The following ZBBX variants were observed in gnomAD, a reference collection of about 807,000 sequenced individuals.
ZBBX encodes zinc finger B-box domain containing.
ZBBX carries 101 observed loss-of-function variants against 108.5 expected under a neutral mutation model. That is an observed-to-expected ratio of 0.93 (90% CI 0.79 to 1.10). The LOEUF is 1.10. Ranked by LOEUF, ZBBX falls within the 50% of genes least tolerant of loss-of-function variation. ZBBX has a pLI of 0.00. For missense variants in ZBBX, 1,009 were observed against 941.4 expected (o/e 1.07, Z -0.94); for synonymous variants, 356 against 323.4 (o/e 1.10, Z -1.08).
At chr3:167,212,901 C>G in the ZBBX span, among the ~76,000 whole-genome samples, 1 of 152,138 alleles carries the variant, frequency 6.6e-6, no homozygotes, top group Non-Finnish European at 1.5e-5. Flanking sequence ...CCTGCTGGAT[C>G]ACACCCCAAA....
chr3:167,223,213 C>A, the ZBBX span, among the ~76,000 whole-genome samples: 1 of 151,842 alleles, frequency 6.6e-6, no homozygotes, highest in African/African-American at 2.4e-5. Flanking sequence ...GAGTCCTCAC[C>A]CCATACCGAT....
chr3:167,378,476 G>A lies in ZBBX; in HGVS notation c.-132+1162C>T, dbSNP rs572272994. Among the ~76,000 whole-genome samples the A allele has an allele frequency of 2.0e-5, 3 of 152,302 alleles. No individual in the cohort carries two copies. In the South Asian group the frequency reaches 6.2e-4, roughly 32 times the overall value. ...CTGGATTTAAAGTCATAAGATCTTT[G>A]TGTGATAGAAATCTCTGAGCTTCAG... On this transcript the variant is annotated intron_variant, in intron 2 of 21. Transcript: ENST00000675490.
chr3:167,343,117 T>C (rs893466065), intron 9 of ZBBX, among the ~76,000 whole-genome samples: 2 of 151,930 alleles, frequency 1.3e-5, no homozygotes, highest in African/African-American at 4.8e-5. Flanking sequence ...TCCTGACTGA[T>C]AAAACCTAAT....
chr3:167,281,062 C>T (rs1467704291), intron 20 of ZBBX, among the ~76,000 whole-genome samples: 5 of 151,716 alleles, frequency 3.3e-5, no homozygotes, highest in African/African-American at 1.2e-4. Flanking sequence ...AATGAGAACA[C>T]ATGGACACAG....
At chr3:167,304,904 C>A (rs902092088) in intron 17 of ZBBX, among the ~76,000 whole-genome samples, 4 of 138,256 alleles carry the variant, frequency 2.9e-5, no homozygotes, top group African/African-American at 9.9e-5. Flanking sequence ...GCCAATCCTC[C>A]AAGCAGAAGT....
chr3:167,363,925 G>T (rs1383829664), intron 6 of ZBBX, among the ~76,000 whole-genome samples: 4 of 151,914 alleles, frequency 2.6e-5, no homozygotes, highest in Middle Eastern at 3.2e-3. Context: ...TTACAAAGTG[G>T]TTTCACATAT....
At chr3:167,327,200 C>G (rs1737552416) in intron 11 of ZBBX, among the ~76,000 whole-genome samples, 1 of 150,790 alleles carries the variant, frequency 6.6e-6, no homozygotes, top group South Asian at 2.1e-4. Flanking sequence ...GAACGCAAAT[C>G]AATTCTCCTC....
chr3:167,405,766 T>C (rs897046503), intron 1 of ZBBX, among the ~76,000 whole-genome samples: 1 of 152,168 alleles, frequency 6.6e-6, no homozygotes, highest in Admixed American at 6.5e-5. Flanking sequence ...CAATAGGTAC[T>C]CTCTTCAGCT....
chr3:167,201,490 C>A, the ZBBX span, among the ~76,000 whole-genome samples: 1 of 151,996 alleles, frequency 6.6e-6, no homozygotes, highest in Non-Finnish European at 1.5e-5. Context: ...ATGTAAATGC[C>A]CCATTACTGA....
chr3:167,223,707 A>T, the ZBBX span, among the ~76,000 whole-genome samples: 1 of 151,840 alleles, frequency 6.6e-6, no homozygotes, highest in Non-Finnish European at 1.5e-5. Context: ...TTCAGGCAAA[A>T]TTTTTGCCTT....
chr3:167,316,558 T>C (rs1218515076), intron 14 of ZBBX, among the ~76,000 whole-genome samples: 1 of 152,086 alleles, frequency 6.6e-6, no homozygotes, highest in Middle Eastern at 3.2e-3. Flanking sequence ...TTGACTGAAC[T>C]TCTTAAGTCT....
chr3:167,237,889 C>A (rs1447961776), downstream of ZBBX, among the ~76,000 whole-genome samples: 1 of 151,860 alleles, frequency 6.6e-6, no homozygotes, highest in African/African-American at 2.4e-5. Flanking sequence ...ATCTTCTGAG[C>A]TAGTTCACAA....
the ZBBX span, among the ~76,000 whole-genome samples, chr3:167,200,370 G>C: frequency 6.6e-6 from 1 of 152,000 alleles, no homozygotes; most frequent in Non-Finnish European, 1.5e-5. Context: ...CTAGGTGTCA[G>C]GTATTTTTAT....
intron 12 of ZBBX, among the ~76,000 whole-genome samples, chr3:167,318,712 A>G (rs1315828307): frequency 6.6e-6 from 1 of 152,032 alleles, no homozygotes; most frequent in Non-Finnish European, 1.5e-5. Flanking sequence ...TAAAATTTGA[A>G]TAAATTTGTG....
At chr3:167,385,338 A>C (rs1476307070) in intron 1 of ZBBX, among the ~76,000 whole-genome samples, 2 of 152,024 alleles carry the variant, frequency 1.3e-5, no homozygotes, top group Non-Finnish European at 1.5e-5. Context: ...GGACTGCCAA[A>C]ATGCAGTATA....
At chr3:167,395,466 T>C (rs1748205893) in intron 1 of ZBBX, among the ~76,000 whole-genome samples, 1 of 150,642 alleles carries the variant, frequency 6.6e-6, no homozygotes, top group Admixed American at 6.6e-5. Flanking sequence ...AATTATAGAG[T>C]AAATAATTCT....
At chr3:167,300,723 C>T (rs1350706517) in intron 17 of ZBBX, among the ~76,000 whole-genome samples, 1 of 151,628 alleles carries the variant, frequency 6.6e-6, no homozygotes, top group African/African-American at 2.4e-5. Context: ...GATTCTCCTG[C>T]CTCAGCCTCC....
At chr3:167,285,498 A>T (rs1297051121) in intron 19 of ZBBX, among the ~76,000 whole-genome samples, 7 of 152,152 alleles carry the variant, frequency 4.6e-5, no homozygotes, top group African/African-American at 1.4e-4. Context: ...AAGAATTCTT[A>T]AATTTATATA....
rs907531143 is a variant in ZBBX at position 167,278,897 on chromosome 3, C to G, written c.2254+3341G>C. Among the ~76,000 whole-genome samples the G allele has an allele frequency of 3.2e-3, 487 of 152,086 alleles. 3 individuals are homozygous for G. The highest frequency in any genetic ancestry group is 0.011 in the African/African-American group (457 of 41,470). ...TCCAGCAGCACATCAAAAAGCTTAT[C>G]CACCATGATCAAGTGGGCTTCATCC... On this transcript the variant is annotated intron_variant, in intron 20 of 21. Coordinates refer to ENST00000675490, the MANE Select transcript of ZBBX (RefSeq NM_001199201.2).
Sources: gnomAD v4.1 joint callset for allele counts (sites outside exome capture counted in the v4.1 genomes callset) on GRCh38, gnomAD v4.1.1 for gene constraint, MANE v1.5 for transcripts, NCBI Gene and HGNC (gene_info 2026-07-23, HGNC 2026-07-21) for gene names.